SREBF1: variants seen among roughly 807,000 people sequenced by gnomAD.
The protein encoded by SREBF1 is sterol regulatory element binding transcription factor 1, also known as sterol regulatory element-binding protein 1.
Under a neutral mutation model 100.1 loss-of-function variants are expected in SREBF1, and 45 were observed. The observed-to-expected ratio is 0.45, with a 90% CI of 0.35 to 0.58. The LOEUF is 0.58. Among genes scored for constraint, SREBF1 ranks in the 20% least tolerant of loss-of-function variants. SREBF1 has a pLI of 0.00. For synonymous variants in SREBF1, 657 were observed against 681.8 expected (o/e 0.96, Z 0.57); for missense variants, 1,324 against 1,539.4 (o/e 0.86, Z 2.34).
At chr17:17,816,133 C>G in intron 11 of SREBF1, 74 bp downstream of exon 11, 3 of 1,466,214 alleles carry the variant, frequency 2.0e-6, no homozygotes, top group East Asian at 2.4e-5. Context: ...ACTGCCACAT[C>G]CCGTGTAGCT....
intron 1 of SREBF1, among the ~76,000 whole-genome samples, chr17:17,835,364 C>T (rs769180355): frequency 4.6e-5 from 7 of 152,186 alleles, no homozygotes; most frequent in Non-Finnish European, 1.0e-4. Flanking sequence ...GGAAAAGCCT[C>T]ACAATCAGGG....
At chr17:17,827,517 G>A (rs760823563) in intron 1 of SREBF1, among the ~76,000 whole-genome samples, 2 of 152,204 alleles carry the variant, frequency 1.3e-5, no homozygotes, top group African/African-American at 2.4e-5. Flanking sequence ...TGGAGTCGGC[G>A]GTCCTCGTGT....
intron 3 of SREBF1, 34 bp downstream of exon 3, chr17:17,819,504 G>GC (rs1467943643): frequency 5.0e-6 from 8 of 1,613,218 alleles, no homozygotes; most frequent in Non-Finnish European, 6.8e-6. Flanking sequence ...GGCTGGGGCT[G>GC]CCCCCTCCCC....
chr17:17,822,915 CCA>C (rs1339830987), intron 1 of SREBF1, among the ~76,000 whole-genome samples: 1 of 152,124 alleles, frequency 6.6e-6, no homozygotes, highest in African/African-American at 2.4e-5. Flanking sequence ...GGTGGCAGCC[CCA>C]GTCTTCCTGG....
At chr17:17,834,398 T>G (rs2035099765) in intron 1 of SREBF1, among the ~76,000 whole-genome samples, 1 of 152,244 alleles carries the variant, frequency 6.6e-6, no homozygotes, top group Non-Finnish European at 1.5e-5. Context: ...TCTAAAGATT[T>G]TATTTTCTTC....
At chr17:17,833,147 G>A (rs2034978988) in intron 1 of SREBF1, among the ~76,000 whole-genome samples, 1 of 151,760 alleles carries the variant, frequency 6.6e-6, no homozygotes, top group South Asian at 2.1e-4. Flanking sequence ...GATCCAGCCG[G>A]GCGCGGTGGC....
At chr17:17,834,573 G>A (rs1486157876) in intron 1 of SREBF1, among the ~76,000 whole-genome samples, 2 of 152,242 alleles carry the variant, frequency 1.3e-5, no homozygotes, top group African/African-American at 2.4e-5. Context: ...TCAAGGGGCT[G>A]GGACTGCCCC....
chr17:17,819,355 C>T lies in SREBF1; in HGVS notation c.811G>A (p.Val271Ile). ...TVKAAGLSPLVSGTTVQTGPL... is the reference protein window; with the variant it reads ...TVKAAGLSPLISGTTVQTGPL... ...CCTGTCTGCACAGTGGTGCCAGAGA[C>T]CAGGGGACTGAGACCTGCCGCCTTC... Residue 271 changes from valine (V) to isoleucine (I), a missense_variant, in exon 4 of 19, where the codon GTC (valine) becomes ATC (isoleucine). Val to Ile is a conservative substitution (Grantham distance 29). Coordinates refer to ENST00000261646, the MANE Select transcript of SREBF1 (RefSeq NM_004176.5). 1 of 1,613,846 alleles carries T rather than the reference C, an allele frequency of 6.2e-7. No homozygotes were observed. The highest frequency in any genetic ancestry group is 8.5e-7 in the Non-Finnish European group (1 of 1,180,042).
intron 6 of SREBF1, 38 bp downstream of exon 6, chr17:17,818,222 A>G (rs775330185): frequency 6.4e-7 from 1 of 1,567,856 alleles, no homozygotes; most frequent in Non-Finnish European, 8.8e-7. Flanking sequence ...AAGGCTAGAG[A>G]AGAGGCCAGA....
In SREBF1 at chr17:17,816,188, A is replaced by ACCCCCC; in HGVS notation, c.2214+18_2214+19insGGGGGG. The ACCCCCC allele has an allele frequency of 1.3e-6, 1 of 789,262 alleles. No homozygotes were observed. The highest frequency in any genetic ancestry group is 1.7e-6 in the Non-Finnish European group (1 of 602,612). The allele number at this position is 789,262 out of a possible 1,614,324, so 48.9% of individuals were successfully genotyped here. A position where few individuals can be genotyped will look rare whatever the true frequency, so the allele number is the denominator to read the frequency against. Reference sequence around the variant, plus strand: ...GAGAGAGCTGCAGGGATAAGCCCCCAGCCCCCCAACCCACTCACTGTCAGA... The same window carrying ACCCCCC: ...GAGAGAGCTGCAGGGATAAGCCCCCACCCCCCGCCCCCCAACCCACTCACTGTCAGA... On this transcript the variant is annotated intron_variant, in intron 11 of 18. Coordinates refer to ENST00000261646, the MANE Select transcript of SREBF1 (RefSeq NM_004176.5).
chr17:17,829,440 A>G (rs756110230), intron 1 of SREBF1, among the ~76,000 whole-genome samples: 2 of 151,688 alleles, frequency 1.3e-5, no homozygotes, highest in Non-Finnish European at 2.9e-5. Flanking sequence ...TTCTAGCATC[A>G]CCGGCACTGG....
chr17:17,812,587 TAG>T lies in SREBF1; in HGVS notation c.*33_*34del. 3 of 1,564,444 alleles carry T rather than the reference TAG, an allele frequency of 1.9e-6. No homozygotes were observed. In the South Asian group the frequency reaches 3.5e-5, roughly 18 times the overall value. The stretch of plus-strand genomic sequence containing the variant: ...AGAAGCTGCACGGGACCAAAGTGGC[TAG>T]AGACAGGGGTGCTGAGGCCGGGGAC... On this transcript the variant is annotated 3_prime_UTR_variant, in exon 19 of 19. Transcript: ENST00000261646.
At position 17,820,343 on chromosome 17, in the gene SREBF1, C is replaced by T. The variant is rs969146260; in HGVS notation, c.270G>A (p.Pro90=). 11 of 1,612,790 alleles carry T rather than the reference C, an allele frequency of 6.8e-6. No individual in the cohort carries two copies. The highest frequency in any genetic ancestry group is 4.0e-5 in the African/African-American group (3 of 74,860). Residue 90 remains proline, a synonymous_variant, in exon 2 of 19, where the codon CCG becomes CCA. Coordinates refer to ENST00000261646, the MANE Select transcript of SREBF1 (RefSeq NM_004176.5). ...SSSLEAFLSG[P]QAAPSPLSPP... is the part of the protein sequence containing the mutation. Reference sequence around the variant, plus strand: ...GGGACAGGGGTGAGGGCGCTGCCTGCGGCCCGCTCAGGAAGGCTTCAAGAG... The same window carrying T: ...GGGACAGGGGTGAGGGCGCTGCCTGTGGCCCGCTCAGGAAGGCTTCAAGAG...
At chr17:17,834,708 A>G (rs2035119611) in intron 1 of SREBF1, among the ~76,000 whole-genome samples, 1 of 152,144 alleles carries the variant, frequency 6.6e-6, no homozygotes, top group Non-Finnish European at 1.5e-5. Flanking sequence ...GGCCCAGACC[A>G]GATTCTGTCA....
In SREBF1 at chr17:17,817,476, G is replaced by A; in HGVS notation, c.1405-19C>T. On this transcript the variant is annotated intron_variant, in intron 7 of 18. Transcript: ENST00000261646. This position sits in a 1 kb window ranked among gnomAD's most constrained non-coding sequence, Gnocchi z 6.6. ...GCTTTGCCTGGTGGGGTTGGGCAGGGTGGTGAGGGCAGAATCGGAGGGACC... is the reference window on the plus strand; with the variant it reads ...GCTTTGCCTGGTGGGGTTGGGCAGGATGGTGAGGGCAGAATCGGAGGGACC... 6.4e-7 allele frequency: 1 copy of A among 1,572,096 alleles called. No individual in the cohort carries two copies. Among genetic ancestry groups the A allele is most frequent in the African/African-American group, 1.3e-5 (1 of 74,358 alleles).
At chr17:17,818,423 G>A (rs746312359) in intron 5 of SREBF1, 49 bp from the exon 6 acceptor site, 39 of 1,436,172 alleles carry the variant, frequency 2.7e-5, no homozygotes, top group Middle Eastern at 2.2e-4. Context: ...CTGTCAGGTC[G>A]GGGGTTGTGG....
chr17:17,811,912 C>A lies in SREBF1; in HGVS notation c.*710G>T. On this transcript the variant is annotated 3_prime_UTR_variant, in exon 19 of 19. Coordinates refer to ENST00000261646, the MANE Select transcript of SREBF1 (RefSeq NM_004176.5). ...GTAGGCTGGAGGCCATACAGCCAGCCCTCCCCACTCCTCCCACTAACAAAC... is the reference window on the plus strand; with the variant it reads ...GTAGGCTGGAGGCCATACAGCCAGCACTCCCCACTCCTCCCACTAACAAAC... The A allele has an allele frequency of 2.3e-6, 1 of 441,850 alleles. No individual in the cohort carries two copies. The highest frequency in any genetic ancestry group is 4.5e-6 in the Non-Finnish European group (1 of 222,082). 27.4% of individuals were successfully genotyped at this position (441,850 alleles called of 1,614,324 possible). A position where few individuals can be genotyped will look rare whatever the true frequency, so the allele number is the denominator to read the frequency against.
At chr17:17,830,157 G>A (rs571425275) in intron 1 of SREBF1, among the ~76,000 whole-genome samples, 48 of 152,008 alleles carry the variant, frequency 3.2e-4, no homozygotes, top group South Asian at 2.9e-3. Flanking sequence ...TAAACCTATC[G>A]CGTGCCAGGT....
chr17:17,814,399 G>A lies in SREBF1; in HGVS notation c.2747C>T (p.Pro916Leu). 2 of 1,557,580 alleles carry A rather than the reference G, an allele frequency of 1.3e-6. No individual in the cohort carries two copies. Among genetic ancestry groups the A allele is most frequent in the Non-Finnish European group, 1.7e-6 (2 of 1,150,854 alleles). Residue 916 changes from proline to leucine, a missense_variant, in exon 16 of 19, where the codon CCC (proline) becomes CTC (leucine). Pro to Leu is a moderately conservative substitution (Grantham distance 98). Transcript: ENST00000261646. ...RVLQESERPL[P>L]RAALHSFKAA... ...CTTGAAGGAGTGCAGAGCTGCCCTG[G>A]GCAGGGGTCTCCTGTTGGGACCAGG...
Sources: gnomAD v4.1 joint callset for allele counts (sites outside exome capture counted in the v4.1 genomes callset) on GRCh38, gnomAD v4.1.1 for gene constraint, Gnocchi (gnomAD v3.1) non-coding constraint, MANE v1.5 for transcripts, NCBI Gene and HGNC (gene_info 2026-07-23, HGNC 2026-07-21) for gene names.